The following TMPRSS11D variants were observed in gnomAD, a reference collection of about 807,000 sequenced individuals.
TMPRSS11D encodes transmembrane protease serine 11D.
In TMPRSS11D, 32 loss-of-function variants were observed where a neutral mutation model predicts 44.4. The ratio of observed to expected loss-of-function variants is 0.72; its 90% CI spans 0.54 to 0.97. The LOEUF (loss-of-function observed/expected upper bound fraction) is 0.97, where lower values mean the gene tolerates loss of function less well. Among genes scored for constraint, TMPRSS11D ranks in the 50% least tolerant of loss-of-function variants. TMPRSS11D has a pLI of 0.00. For missense variants in TMPRSS11D, 446 were observed against 502.6 expected, an observed-to-expected ratio of 0.89 and a Z score of 1.08; for synonymous variants, 179 against 177.9, an observed-to-expected ratio of 1.01 and a Z score of -0.05.
chr4:67,848,182 A>G (rs1435080443), intron 3 of TMPRSS11D, among the ~76,000 whole-genome samples: 1 of 152,220 alleles, frequency 6.6e-6, no homozygotes, highest in Non-Finnish European at 1.5e-5. Context: ...TGTTGTTTGC[A>G]GACATTTGTT....
At chr4:67,838,433 G>T in intron 4 of TMPRSS11D, 104 bp from the exon 5 acceptor site, 1 of 1,112,862 alleles carries the variant, frequency 9.0e-7, no homozygotes, top group East Asian at 2.8e-5. Context: ...ATTCATTTGT[G>T]GAATTTAACT....
intron 4 of TMPRSS11D, among the ~76,000 whole-genome samples, chr4:67,840,007 C>T (rs1718194785): frequency 7.1e-6 from 1 of 141,454 alleles, no homozygotes; most frequent in Non-Finnish European, 1.5e-5. Flanking sequence ...TTAACAACAA[C>T]AAAGTCCATG....
chr4:67,824,123 A>G (rs1474053486), intron 9 of TMPRSS11D, among the ~76,000 whole-genome samples: 3 of 131,130 alleles, frequency 2.3e-5, no homozygotes, highest in Admixed American at 8.7e-5. Flanking sequence ...GTAAGCTCTT[A>G]TGTAAAGTGC....
chr4:67,862,473 G>A (rs1400623978), intron 1 of TMPRSS11D, among the ~76,000 whole-genome samples: 1 of 152,032 alleles, frequency 6.6e-6, no homozygotes, highest in African/African-American at 2.4e-5. Flanking sequence ...ACCTCACTTG[G>A]GGGAAGCAAA....
In TMPRSS11D at chr4:67,848,628, CT is replaced by C. The variant is rs1718416323; in HGVS notation, c.249+5439del. Among the ~76,000 whole-genome samples, 3 of 152,162 alleles carry C rather than the reference CT, an allele frequency of 2.0e-5. No homozygotes were observed. The South Asian group carries it at 6.2e-4, about 32-fold the overall frequency. Reference sequence around the variant, plus strand: ...TTAGAGACATTTCTTAGAGGAAATGCTTATTGAGCTGAGATTGTCAGGAAGA... The same window carrying C: ...TTAGAGACATTTCTTAGAGGAAATGCTATTGAGCTGAGATTGTCAGGAAGA... On this transcript the variant is annotated intron_variant, in intron 3 of 9. Transcript: ENST00000283916.
chr4:67,874,156 A>G lies in TMPRSS11D; in HGVS notation c.8+9770T>C, dbSNP rs149785951. On this transcript the variant is annotated intron_variant, in intron 1 of 9. Coordinates refer to ENST00000283916, the MANE Select transcript of TMPRSS11D (RefSeq NM_004262.3). ...TATACAGGTCTGTAGCCAAGGAGTA[A>G]TATGCTGCATAGTCTAGGTGTGTAA... Among the ~76,000 whole-genome samples the G allele has an allele frequency of 4.1e-3, 621 of 152,268 alleles. 1 individual carries two copies. The highest frequency in any genetic ancestry group is 8.1e-3 in the South Asian group (39 of 4,828).
intron 7 of TMPRSS11D, among the ~76,000 whole-genome samples, chr4:67,830,781 A>G (rs1008309149): frequency 1.3e-5 from 2 of 151,954 alleles, no homozygotes; most frequent in African/African-American, 4.8e-5. Flanking sequence ...TCATTTTGGA[A>G]CCAGTAACAT....
intron 7 of TMPRSS11D, among the ~76,000 whole-genome samples, chr4:67,829,567 A>T (rs1717894327): frequency 6.6e-6 from 1 of 152,010 alleles, no homozygotes. Flanking sequence ...AATTAGATAT[A>T]CCATAGACAA....
rs1717661914 is a variant in TMPRSS11D, at chr4:67,822,312, T to C, written c.*25A>G. The C allele has an allele frequency of 6.2e-7, 1 of 1,611,228 alleles. No individual in the cohort carries two copies. The highest frequency in any genetic ancestry group is 1.3e-5 in the African/African-American group (1 of 74,874). ...AGACAGGCACACCTGCATACAGACT[T>C]TGCAACAGGGATGCACTTGTTGCAC... is the stretch of plus-strand genomic sequence containing the variant. On this transcript the variant is annotated 3_prime_UTR_variant, in exon 10 of 10. Coordinates refer to ENST00000283916, the MANE Select transcript of TMPRSS11D (RefSeq NM_004262.3).
intron 5 of TMPRSS11D, 116 bp from the exon 6 acceptor site, chr4:67,835,237 G>C: frequency 1.0e-6 from 1 of 975,870 alleles, no homozygotes; most frequent in East Asian, 2.6e-5. Context: ...TTGGGGTTGG[G>C]AGGTGGTCCT....
In TMPRSS11D at chr4:67,822,428, C is replaced by G; in HGVS notation, c.1166G>C (p.Trp389Ser). Residue 389 changes from tryptophan (W) to serine (S), a missense_variant, in exon 10 of 10, where the codon TGG (tryptophan) becomes TCG (serine). Trp to Ser is a radical substitution (Grantham distance 177). Coordinates refer to ENST00000283916, the MANE Select transcript of TMPRSS11D (RefSeq NM_004262.3). Reference sequence around the variant, plus strand: ...ATCCGGCAGGCCACACTGATCTCCCCAGCTTACTATCCCCACAATAAACCA... The same window carrying G: ...ATCCGGCAGGCCACACTGATCTCCCGAGCTTACTATCCCCACAATAAACCA... ...RLWFIVGIVS[W>S]GDQCGLPDKP... 3 of 1,613,936 alleles carry G rather than the reference C, an allele frequency of 1.9e-6. No homozygotes were observed. The highest frequency in any genetic ancestry group is 2.5e-6 in the Non-Finnish European group (3 of 1,179,908).
intron 2 of TMPRSS11D, among the ~76,000 whole-genome samples, chr4:67,857,151 G>T (rs1718657977): frequency 6.6e-6 from 1 of 151,828 alleles, no homozygotes; most frequent in Admixed American, 6.6e-5. Context: ...CAAAGGAAAA[G>T]AAATCACCAT....
chr4:67,853,444 C>T (rs1718556170), intron 3 of TMPRSS11D, among the ~76,000 whole-genome samples: 1 of 151,964 alleles, frequency 6.6e-6, no homozygotes, highest in African/African-American at 2.4e-5. Context: ...ATTCTTAGGA[C>T]TTTTTTTTGA....
At chr4:67,868,962 C>G (rs72849542) in intron 1 of TMPRSS11D, among the ~76,000 whole-genome samples, 4,213 of 152,284 alleles carry the variant, frequency 0.028, 178 homozygotes, top group African/African-American at 0.094. Context: ...CCATTCCCTG[C>G]TAGAGAATTC....
intron 6 of TMPRSS11D, 121 bp downstream of exon 6, chr4:67,834,962 G>T: frequency 1.2e-6 from 1 of 855,494 alleles, no homozygotes; most frequent in Non-Finnish European, 1.9e-6. Flanking sequence ...CCACCTGAGC[G>T]AACTAAGAAC....
chr4:67,849,798 A>G (rs1454491675), intron 3 of TMPRSS11D, among the ~76,000 whole-genome samples: 3 of 152,206 alleles, frequency 2.0e-5, no homozygotes, highest in Non-Finnish European at 4.4e-5. Flanking sequence ...TACTCATATT[A>G]TCATGAGAAA....
In TMPRSS11D at chr4:67,822,362, C is replaced by T. The variant is rs2109652580; in HGVS notation, c.1232G>A (p.Trp411Ter). The change falls in exon 10 of 10, where the codon TGG becomes TAG. Residue 411 changes from tryptophan (W) to a stop codon, truncating the protein, a stop_gained. Transcript: ENST00000283916. LOFTEE classifies it high-confidence loss of function. ...CTAGATCCCAGTTTGTTGCCTAATC[C>T]AGTCAAGGTAGGCTGTCACTCGAGT... is the stretch of plus-strand genomic sequence containing the variant. ...VYTRVTAYLD[W>*]IRQQTGI 2 of 1,613,738 alleles carry T rather than the reference C, an allele frequency of 1.2e-6. No individual in the cohort carries two copies. Among genetic ancestry groups the T allele is most frequent in the East Asian group, 2.2e-5 (1 of 44,880 alleles).
intron 1 of TMPRSS11D, among the ~76,000 whole-genome samples, chr4:67,872,450 G>A (rs1719081735): frequency 6.6e-6 from 1 of 152,030 alleles, no homozygotes; most frequent in African/African-American, 2.4e-5. Context: ...AATGCTCTTT[G>A]GGAAATGAGT....
chr4:67,876,722 C>T (rs1057179352), intron 1 of TMPRSS11D, among the ~76,000 whole-genome samples: 47 of 152,034 alleles, frequency 3.1e-4, no homozygotes, highest in African/African-American at 1.1e-3. Flanking sequence ...TTTTTTGCAA[C>T]CCAAGACATG....
Sources: gnomAD v4.1 joint callset for allele counts (sites outside exome capture counted in the v4.1 genomes callset) on GRCh38, gnomAD v4.1.1 for gene constraint, MANE v1.5 for transcripts, NCBI Gene and HGNC (gene_info 2026-07-23, HGNC 2026-07-21) for gene names.